SARDH: variants seen among roughly 807,000 people sequenced by gnomAD.
SARDH encodes sarcosine dehydrogenase, also known as sarcosine dehydrogenase, mitochondrial.
A neutral mutation model predicts 109.1 loss-of-function variants in SARDH; 95 were observed. That is an observed-to-expected ratio of 0.87 (90% CI 0.74 to 1.03). SARDH has a LOEUF of 1.03. Ranked by LOEUF, SARDH falls within the 50% of genes least tolerant of loss-of-function variation. SARDH has a pLI of 0.00. For synonymous variants in SARDH, 572 were observed against 534.8 expected, an observed-to-expected ratio of 1.07 and a Z score of -0.96; for missense variants, 1,267 against 1,287.8, an observed-to-expected ratio of 0.98 and a Z score of 0.25.
intron 19 of SARDH, chr9:133,667,156 C>A: frequency 1.8e-6 from 1 of 554,828 alleles, no homozygotes; most frequent in Non-Finnish European, 3.2e-6. Context: ...TTGGGAGGGC[C>A]CCTGCTTCCG....
At chr9:133,733,340 A>G (rs1252153017) in intron 2 of SARDH, among the ~76,000 whole-genome samples, 2 of 152,338 alleles carry the variant, frequency 1.3e-5, no homozygotes, top group Non-Finnish European at 2.9e-5. Context: ...CAGGACACCC[A>G]TGGCTGAAAT....
chr9:133,734,416 T>TTCATTCACTCATTCACTCATTCAC (rs1564304247), intron 1 of SARDH, among the ~76,000 whole-genome samples: 3 of 50,940 alleles, frequency 5.9e-5, no homozygotes, highest in African/African-American at 1.2e-4. Flanking sequence ...CACTCATTCA[T>TTCATTCACTCATTCACTCATTCAC]TCATTCATTC....
intron 3 of SARDH, 47 bp downstream of exon 3, chr9:133,732,376 C>T (rs779622870): frequency 4.3e-6 from 2 of 461,940 alleles, no homozygotes; most frequent in Admixed American, 4.6e-5. Flanking sequence ...GGGAGTGCAC[C>T]CACCCACCCA....
rs1346384532 is a variant in SARDH, at chr9:133,666,323, C to T, written c.2631+412G>A. ...AGGTTTGGGTCTCTGGTGTGAGGAG[C>T]TGGAAGGTATCAGCCTGGCTGGCTG... On this transcript the variant is annotated intron_variant, in intron 20 of 20. Coordinates refer to ENST00000439388, the MANE Select transcript of SARDH (RefSeq NM_001134707.2). The surrounding 1 kb of genome is among the most constrained non-coding windows in gnomAD (Gnocchi z 5.2). Among the ~76,000 whole-genome samples, 1 of 152,274 alleles carries T rather than the reference C, an allele frequency of 6.6e-6. No individual in the cohort carries two copies. The highest frequency in any genetic ancestry group is 2.4e-5 in the African/African-American group (1 of 41,558).
chr9:133,696,931 A>G (rs906970455), intron 13 of SARDH, among the ~76,000 whole-genome samples: 6 of 152,272 alleles, frequency 3.9e-5, no homozygotes, highest in South Asian at 4.1e-4. Flanking sequence ...AAAAGAGCAT[A>G]ATTAAACCCA....
chr9:133,665,383 G>A (rs759990041), intron 20 of SARDH, among the ~76,000 whole-genome samples: 50 of 152,142 alleles, frequency 3.3e-4, no homozygotes, highest in Non-Finnish European at 5.7e-4. Flanking sequence ...TGGCCCCCAG[G>A]ACCATGGCCC....
chr9:133,669,681 C>G (rs1355286707), intron 19 of SARDH, among the ~76,000 whole-genome samples: 1 of 152,202 alleles, frequency 6.6e-6, no homozygotes, highest in Admixed American at 6.5e-5. Flanking sequence ...CAGAGTCTCT[C>G]CTTCCACCTC....
chr9:133,696,203 C>G lies in SARDH; in HGVS notation c.1807+20G>C, dbSNP rs775156953. On this transcript the variant is annotated intron_variant, in intron 14 of 20. Transcript: ENST00000439388. ...CCCATGGAGTGACAGGAACATGCCC[C>G]CCAACCTCAGGCTCCATACCTGGGG... 1.2e-6 allele frequency: 2 copies of G among 1,612,738 alleles called. No individual in the cohort carries two copies. Among genetic ancestry groups the G allele is most frequent in the South Asian group, 2.2e-5 (2 of 91,078 alleles).
intron 1 of SARDH, among the ~76,000 whole-genome samples, 167 bp downstream of exon 1, chr9:133,738,086 GC>G (rs1308592937): frequency 6.6e-6 from 1 of 152,154 alleles, no homozygotes; most frequent in African/African-American, 2.4e-5. Flanking sequence ...GCGGCAGGGG[GC>G]GGGGAGGCAG....
chr9:133,704,862 G>A lies in SARDH; in HGVS notation c.1554+86C>T. 1 of 1,173,914 alleles carries A rather than the reference G, an allele frequency of 8.5e-7. No homozygotes were observed. The highest frequency in any genetic ancestry group is 1.5e-5 in the African/African-American group (1 of 65,926). 72.7% of individuals were successfully genotyped at this position (1,173,914 alleles called of 1,614,324 possible). A position where few individuals can be genotyped will look rare whatever the true frequency, so the allele number is the denominator to read the frequency against. ...ACCACCTGGGGAGGCGGGGCACACG[G>A]AGGGGCAAGGACGGGGCACGTGGAG... On this transcript the variant is annotated intron_variant, in intron 12 of 20. Coordinates refer to ENST00000439388, the MANE Select transcript of SARDH (RefSeq NM_001134707.2). This position sits in a 1 kb window ranked among gnomAD's most constrained non-coding sequence, Gnocchi z 4.5.
Position 133,694,276 on chromosome 9 carries a change from G to C in SARDH, c.1903C>G (p.Leu635Val). The change falls in exon 15 of 21, where the codon CTG (leucine) becomes GTG (valine). Residue 635 changes from leucine to valine, a missense_variant. Physicochemically the swap from Leu to Val is conservative, Grantham distance 32. Coordinates refer to ENST00000439388, the MANE Select transcript of SARDH (RefSeq NM_001134707.2). Reference protein sequence around the residue: ...RLAPSHQASPLAPAFEGDGYY... With the variant: ...RLAPSHQASPVAPAFEGDGYY... ...CCCATACCTTCAAAGGCGGGGGCCA[G>C]CGGGGAGGCCTGGTGGCTGGGTGCC... 1 of 1,549,630 alleles carries C rather than the reference G, an allele frequency of 6.5e-7. No individual in the cohort carries two copies. Among genetic ancestry groups the C allele is most frequent in the Non-Finnish European group, 8.7e-7 (1 of 1,146,148 alleles).
intron 13 of SARDH, among the ~76,000 whole-genome samples, chr9:133,699,770 G>A (rs937545298): frequency 1.3e-5 from 2 of 152,184 alleles, no homozygotes; most frequent in Non-Finnish European, 2.9e-5. Flanking sequence ...TCGCACTGTG[G>A]TGGGGAATGT....
intron 19 of SARDH, among the ~76,000 whole-genome samples, chr9:133,668,016 G>A (rs867002333): frequency 2.0e-5 from 3 of 152,046 alleles, no homozygotes; most frequent in Non-Finnish European, 2.9e-5. Flanking sequence ...GGAAACCCCT[G>A]AGCAGAGCGC....
chr9:133,732,842 T>G (rs1438361081), intron 2 of SARDH, among the ~76,000 whole-genome samples: 2 of 152,102 alleles, frequency 1.3e-5, no homozygotes, highest in Admixed American at 1.3e-4. Context: ...GCCCCCATTT[T>G]TGGAGCACCT....
chr9:133,732,779 T>C (rs747781176), intron 2 of SARDH, among the ~76,000 whole-genome samples, 178 bp from the exon 3 acceptor site: 3 of 152,024 alleles, frequency 2.0e-5, no homozygotes, highest in Non-Finnish European at 4.4e-5. Context: ...TGGACCAAGA[T>C]GAATGTGAGG....
At chr9:133,674,905 C>T (rs73562086) in intron 17 of SARDH, among the ~76,000 whole-genome samples, 1,990 of 152,238 alleles carry the variant, frequency 0.013, 46 homozygotes, top group African/African-American at 0.043. Flanking sequence ...ATTTGTGCAT[C>T]GAAGGACGCT....
At chr9:133,667,942 C>A (rs527619377) in intron 19 of SARDH, among the ~76,000 whole-genome samples, 1 of 152,120 alleles carries the variant, frequency 6.6e-6, no homozygotes, top group African/African-American at 2.4e-5. Context: ...ATCTTCTCTG[C>A]GCCTGTCCTG....
At chr9:133,697,736 A>G (rs1339163136) in intron 13 of SARDH, among the ~76,000 whole-genome samples, 3 of 152,312 alleles carry the variant, frequency 2.0e-5, no homozygotes, top group East Asian at 3.9e-4. Flanking sequence ...ATAAAAACGC[A>G]CAACAAACTA....
At chr9:133,721,527 G>A (rs138829465) in intron 6 of SARDH, among the ~76,000 whole-genome samples, 259 of 152,334 alleles carry the variant, frequency 1.7e-3, no homozygotes, top group African/African-American at 5.7e-3. Flanking sequence ...CTCCAGCGGG[G>A]AGGCGTGAAG....
Sources: gnomAD v4.1 joint callset for allele counts (sites outside exome capture counted in the v4.1 genomes callset) on GRCh38, gnomAD v4.1.1 for gene constraint, Gnocchi (gnomAD v3.1) non-coding constraint, MANE v1.5 for transcripts, NCBI Gene and HGNC (gene_info 2026-07-23, HGNC 2026-07-21) for gene names.